The following SGCZ variants were observed in gnomAD, a reference collection of about 807,000 sequenced individuals.
SGCZ encodes the protein zeta-sarcoglycan.
A neutral mutation model predicts 41.3 loss-of-function variants in SGCZ; 40 were observed. The ratio of observed to expected loss-of-function variants is 0.97; its 90% CI spans 0.75 to 1.26. The LOEUF is 1.26. Among genes scored for constraint, SGCZ ranks in the 50% most tolerant of loss-of-function variants. The pLI is 0.00. For missense variants in SGCZ, 552 were observed against 369.8 expected (o/e 1.49, Z -4.04); for synonymous variants, 206 against 137.5 (o/e 1.50, Z -3.49).
At chr8:14,628,767 G>C (rs1350236804) in intron 1 of SGCZ, among the ~76,000 whole-genome samples, 2 of 152,010 alleles carry the variant, frequency 1.3e-5, no homozygotes, top group African/African-American at 2.4e-5. Flanking sequence ...TTCACATCAA[G>C]GTCATTTATC....
Position 14,191,736 on chromosome 8 carries a change from G to A in SGCZ, c.425-27034C>T, listed in dbSNP as rs372683248. 1.4e-4 allele frequency among the ~76,000 whole-genome samples: 21 copies of A among 152,242 alleles called. No homozygotes were observed. The East Asian group carries it at 1.5e-3, about 11-fold the overall frequency. Reference sequence around the variant, plus strand: ...AAGAGAAGAGAGAAACTAAGGGTATGTGAAACATCATACAAATGTTTTTAT... The same window carrying A: ...AAGAGAAGAGAGAAACTAAGGGTATATGAAACATCATACAAATGTTTTTAT... On this transcript the variant is annotated intron_variant, in intron 4 of 7. Transcript: ENST00000382080.
At chr8:14,110,671 T>A (rs1040877491) in intron 5 of SGCZ, among the ~76,000 whole-genome samples, 1 of 152,074 alleles carries the variant, frequency 6.6e-6, no homozygotes, top group Non-Finnish European at 1.5e-5. Context: ...GGTACAAAAT[T>A]AATAAGCAAC....
At chr8:14,808,704 A>G (rs1267522623) in intron 1 of SGCZ, among the ~76,000 whole-genome samples, 2 of 152,060 alleles carry the variant, frequency 1.3e-5, no homozygotes, top group Admixed American at 1.3e-4. Flanking sequence ...TAGAAATACC[A>G]TTTGACCCAG....
At chr8:14,412,838 T>G (rs2117281525) in intron 2 of SGCZ, among the ~76,000 whole-genome samples, 1 of 152,150 alleles carries the variant, frequency 6.6e-6, no homozygotes, top group Middle Eastern at 3.4e-3. Flanking sequence ...TTGAAGAGTA[T>G]TTGACATTCT....
intron 2 of SGCZ, among the ~76,000 whole-genome samples, chr8:14,516,725 C>G (rs1459801314): frequency 6.6e-6 from 1 of 152,044 alleles, no homozygotes; most frequent in Non-Finnish European, 1.5e-5. Flanking sequence ...TGACATGCGT[C>G]TTTCATCATT....
rs531252468 is a variant in SGCZ at position 14,789,542 on chromosome 8, T to A, written c.40-234616A>T. On this transcript the variant is annotated intron_variant, in intron 1 of 7. Coordinates refer to ENST00000382080, the MANE Select transcript of SGCZ (RefSeq NM_139167.4). ...AATATATGAGTTTACAATTTTAGTA[T>A]CTAAAACTTACAAGGCTCTTCATGC... is the stretch of plus-strand genomic sequence containing the variant. Among the ~76,000 whole-genome samples the A allele has an allele frequency of 3.2e-4, 49 of 152,306 alleles. 1 individual carries two copies. Among genetic ancestry groups the A allele is most frequent in the African/African-American group, 1.1e-3 (47 of 41,580 alleles).
chr8:15,112,892 T>A (rs996271006), intron 1 of SGCZ, among the ~76,000 whole-genome samples: 1 of 152,098 alleles, frequency 6.6e-6, no homozygotes, highest in African/African-American at 2.4e-5. Context: ...TTGTTGCTGT[T>A]TGAAGTCATG....
intron 2 of SGCZ, among the ~76,000 whole-genome samples, chr8:14,364,478 G>A (rs1803630082): frequency 6.6e-6 from 1 of 152,106 alleles, no homozygotes. Flanking sequence ...TAGCAGCAAT[G>A]CATTGAGGAT....
intron 1 of SGCZ, among the ~76,000 whole-genome samples, chr8:14,847,777 A>T (rs1803184646): frequency 7.9e-6 from 1 of 126,332 alleles, no homozygotes; most frequent in Admixed American, 8.2e-5. Flanking sequence ...AGCTAACATC[A>T]TAGTTAATGG....
In SGCZ at chr8:15,144,388, T is replaced by C. The variant is rs146420966; in HGVS notation, c.39+93197A>G. Reference sequence around the variant, plus strand: ...TGTTGCATATCCTCAAATATTAACGTTTCCTAGTTTAATGAAGGCTTTTCA... The same window carrying C: ...TGTTGCATATCCTCAAATATTAACGCTTCCTAGTTTAATGAAGGCTTTTCA... On this transcript the variant is annotated intron_variant, in intron 1 of 7. Transcript: ENST00000382080. 3.1e-4 allele frequency among the ~76,000 whole-genome samples: 47 copies of C among 152,296 alleles called. 1 individual carries two copies. The highest frequency in any genetic ancestry group is 1.1e-3 in the African/African-American group (44 of 41,578).
chr8:14,156,502 C>A (rs1803880413), intron 5 of SGCZ, among the ~76,000 whole-genome samples: 4 of 151,926 alleles, frequency 2.6e-5, no homozygotes, highest in Admixed American at 2.0e-4. Flanking sequence ...AAAGTTCTTT[C>A]TTTCTTCAAC....
At position 14,507,173 on chromosome 8, in the gene SGCZ, C is replaced by G. The variant is rs547377792; in HGVS notation, c.234+47559G>C. ...GACTATTCTCTTTCACCCACCATAT[C>G]CAATCTGCAAATCAAGTCAACTCTG... On this transcript the variant is annotated intron_variant, in intron 2 of 7. Coordinates refer to ENST00000382080, the MANE Select transcript of SGCZ (RefSeq NM_139167.4). 6.5e-5 allele frequency among the ~76,000 whole-genome samples: 9 copies of G among 139,032 alleles called. No individual in the cohort carries two copies. In the South Asian group the frequency reaches 1.8e-3, roughly 27 times the overall value. The allele number at this position is 139,032 out of a possible 152,430, so 91.2% of individuals were successfully genotyped here.
chr8:14,918,078 A>G lies in SGCZ; in HGVS notation c.39+319507T>C, dbSNP rs12164171. On this transcript the variant is annotated intron_variant, in intron 1 of 7. Coordinates refer to ENST00000382080, the MANE Select transcript of SGCZ (RefSeq NM_139167.4). ...AAAGCCAAGACTTCTGTTAAAAATG[A>G]TTGCCTACTTTCATACTTCAGATCC... 4.5e-4 allele frequency among the ~76,000 whole-genome samples: 69 copies of G among 152,294 alleles called. 2 individuals are homozygous for G. In the East Asian group the frequency reaches 0.011, roughly 24 times the overall value.
intron 3 of SGCZ, among the ~76,000 whole-genome samples, chr8:14,317,533 C>A (rs1393776460): frequency 1.3e-5 from 2 of 151,872 alleles, no homozygotes; most frequent in East Asian, 3.9e-4. Context: ...CTTTTCCACA[C>A]AAGCACAGGG....
chr8:14,758,598 C>A (rs1054083911), intron 1 of SGCZ, among the ~76,000 whole-genome samples: 2 of 152,120 alleles, frequency 1.3e-5, no homozygotes, highest in African/African-American at 4.8e-5. Flanking sequence ...ACAATGCTGT[C>A]GGTGTTAAGT....
intron 1 of SGCZ, among the ~76,000 whole-genome samples, chr8:15,095,788 G>C (rs772117912): frequency 6.6e-6 from 1 of 152,070 alleles, no homozygotes; most frequent in African/African-American, 2.4e-5. Context: ...TGCAGTCGAG[G>C]AGTTGCCAAA....
At chr8:14,390,736 C>G (rs1242753265) in intron 2 of SGCZ, among the ~76,000 whole-genome samples, 1 of 151,776 alleles carries the variant, frequency 6.6e-6, no homozygotes, top group Non-Finnish European at 1.5e-5. Context: ...TAATAATATT[C>G]TAAGTATGCA....
In SGCZ at chr8:14,616,370, A is replaced by C. The variant is rs532321569; in HGVS notation, c.40-61444T>G. ...TTACAATACACTAAATATAAAAATGATGTAAAATTTTCTCTACTTTGGTTC... is the reference window on the plus strand; with the variant it reads ...TTACAATACACTAAATATAAAAATGCTGTAAAATTTTCTCTACTTTGGTTC... On this transcript the variant is annotated intron_variant, in intron 1 of 7. Transcript: ENST00000382080. Among the ~76,000 whole-genome samples, 6 of 152,184 alleles carry C rather than the reference A, an allele frequency of 3.9e-5. 1 individual carries two copies. The highest frequency in any genetic ancestry group is 3.9e-4 in the Admixed American group (6 of 15,284).
chr8:15,141,668 C>A (rs932897923), intron 1 of SGCZ, among the ~76,000 whole-genome samples: 1 of 152,142 alleles, frequency 6.6e-6, no homozygotes. Flanking sequence ...CTCTGGGAGG[C>A]CAAGGCGGGA....
Sources: allele counts gnomAD v4.1 joint callset (sites outside exome capture counted in the v4.1 genomes callset), GRCh38; gene constraint gnomAD v4.1.1; transcripts MANE v1.5; gene names NCBI Gene and HGNC (gene_info 2026-07-23, HGNC 2026-07-21).